The following SMO variants were observed in gnomAD, a reference collection of about 807,000 sequenced individuals.
SMO encodes protein smoothened.
SMO carries 40 observed loss-of-function variants against 81.6 expected under a neutral mutation model. The ratio of observed to expected loss-of-function variants is 0.49; its 90% confidence interval spans 0.38 to 0.64. The LOEUF (loss-of-function observed/expected upper bound fraction) is 0.64. Ranked by LOEUF, SMO falls within the 30% of genes least tolerant of loss-of-function variation. SMO has a pLI of 0.00. For synonymous variants in SMO, 434 were observed against 432.1 expected (o/e 1.00, Z -0.05); for missense variants, 916 against 1,061.1 (o/e 0.86, Z 1.90).
At position 129,211,231 on chromosome 7, in the gene SMO, C is replaced by A. The variant is rs41274167; in HGVS notation, c.1801+118C>A. 24,780 of 1,109,600 alleles carry A rather than the reference C, an allele frequency of 0.022. 390 individuals are homozygous for A. Among genetic ancestry groups the A allele is most frequent in the Non-Finnish European group, 0.027 (20,713 of 757,186 alleles). The allele number at this position is 1,109,600 out of a possible 1,614,324, so 68.7% of individuals were successfully genotyped here. ...GGAAGACCGACTGTGAGGAGCAAGG[C>A]GCTCCCTCCATCGCTCACACACCCA... On this transcript the variant is annotated intron_variant, in intron 10 of 11. Coordinates refer to ENST00000249373, the MANE Select transcript of SMO (RefSeq NM_005631.5). The surrounding 1 kb of genome is among the most constrained non-coding windows in gnomAD (Gnocchi z 4.6).
In SMO at chr7:129,211,285, G is replaced by A. The variant is rs887262248; in HGVS notation, c.1801+172G>A. The A allele has an allele frequency of 3.8e-6, 3 of 795,162 alleles. No individual in the cohort carries two copies. The African/African-American group carries it at 5.1e-5, about 14-fold the overall frequency. The allele number at this position is 795,162 out of a possible 1,614,324, so 49.3% of individuals were successfully genotyped here. On this transcript the variant is annotated intron_variant, in intron 10 of 11. Coordinates refer to ENST00000249373, the MANE Select transcript of SMO (RefSeq NM_005631.5). The surrounding 1 kb of genome is among the most constrained non-coding windows in gnomAD (Gnocchi z 4.6). ...TTCCCCCGGCCCCTCCTACCCTCTG[G>A]GGGGCTCTCCCCTCTCTGTTTCTGC...
intron 1 of SMO, among the ~76,000 whole-genome samples, chr7:129,191,497 A>G (rs1424013739): frequency 6.6e-6 from 1 of 151,904 alleles, no homozygotes; most frequent in African/African-American, 2.4e-5. Context: ...TCCTGTTTCC[A>G]TATGTGTTCT....
rs1793884122 is a variant in SMO, at chr7:129,212,175, T to C, written c.2088T>C (p.Pro696=). 3 of 1,554,466 alleles carry C rather than the reference T, an allele frequency of 1.9e-6. No homozygotes were observed. The East Asian group carries it at 7.3e-5, about 38-fold the overall frequency. ...APPPELHPPA[P]APSTIPRLPQ... is the part of the protein sequence containing the mutation. ...CCCCTGAGCTTCACCCCCCTGCCCC[T>C]GCCCCCAGTACCATTCCTCGACTGC... is the stretch of plus-strand genomic sequence containing the variant. The change falls in exon 12 of 12, where the codon CCT becomes CCC. Residue 696 remains proline (P), a synonymous_variant. Transcript: ENST00000249373. The surrounding 1 kb of genome is among the most constrained non-coding windows in gnomAD (Gnocchi z 5.0).
chr7:129,211,975 C>A lies in SMO; in HGVS notation c.1937-49C>A, dbSNP rs2150656135. 1 of 1,522,452 alleles carries A rather than the reference C, an allele frequency of 6.6e-7. No individual in the cohort carries two copies. Among genetic ancestry groups the A allele is most frequent in the Admixed American group, 1.9e-5 (1 of 51,844 alleles). 94.3% of individuals were successfully genotyped at this position (1,522,452 alleles called of 1,614,324 possible). A position where few individuals can be genotyped will look rare whatever the true frequency, so the allele number is the denominator to read the frequency against. ...AGTGCTCCCAGGGGAGCGGGGGTGGCATGGACAGAGCCAGGGCCCCAGGCT... is the reference window on the plus strand; with the variant it reads ...AGTGCTCCCAGGGGAGCGGGGGTGGAATGGACAGAGCCAGGGCCCCAGGCT... On this transcript the variant is annotated intron_variant, in intron 11 of 11. Coordinates refer to ENST00000249373, the MANE Select transcript of SMO (RefSeq NM_005631.5). This position sits in a 1 kb window ranked among gnomAD's most constrained non-coding sequence, Gnocchi z 4.6.
intron 1 of SMO, among the ~76,000 whole-genome samples, chr7:129,195,954 AGCCGGGCGCGGTG>A (rs1793569919): frequency 6.6e-6 from 1 of 151,962 alleles, no homozygotes; most frequent in Non-Finnish European, 1.5e-5. Context: ...ACAAAAAATT[AGCCGGGCGCGGTG>A]GTGGGCGCCT....
At position 129,200,731 on chromosome 7, in the gene SMO, TTTG is replaced by T. The variant is rs1296293343; in HGVS notation, c.332-2644_332-2642del. Reference sequence around the variant, plus strand: ...GATTGAGAAAAATTACAGTTTTTTTTTTGTTGTTGTTTGTTTGTTTGTTTTAAT... The same window carrying T: ...GATTGAGAAAAATTACAGTTTTTTTTTTGTTGTTTGTTTGTTTGTTTTAAT... On this transcript the variant is annotated intron_variant, in intron 1 of 11. Coordinates refer to ENST00000249373, the MANE Select transcript of SMO (RefSeq NM_005631.5). Among the ~76,000 whole-genome samples, 3 of 149,584 alleles carry T rather than the reference TTTG, an allele frequency of 2.0e-5. No individual in the cohort carries two copies. In the South Asian group the frequency reaches 6.3e-4, roughly 32 times the overall value.
rs577512487 is a variant in SMO, at chr7:129,211,039, G to A, written c.1727G>A (p.Arg576Gln). 9.3e-6 allele frequency: 15 copies of A among 1,614,062 alleles called. No individual in the cohort carries two copies. The highest frequency in any genetic ancestry group is 6.7e-5 in the African/African-American group (5 of 75,054). ...ATGATTGCCAAGGCCTTCTCTAAGCGGCACGAGCTCCTGCAGAACCCAGGC... is the reference window on the plus strand; with the variant it reads ...ATGATTGCCAAGGCCTTCTCTAAGCAGCACGAGCTCCTGCAGAACCCAGGC... ...SKMIAKAFSK[R>Q]HELLQNPGQE... Residue 576 changes from arginine to glutamine, a missense_variant, in exon 10 of 12, where the codon CGG becomes CAG. Around this residue, in one of 4 missense-constraint regions of SMO, gnomAD observed 324 missense variants for 312.9 expected, o/e 1.04. Transcript: ENST00000249373. This position sits in a 1 kb window ranked among gnomAD's most constrained non-coding sequence, Gnocchi z 4.6.
chr7:129,194,137 T>TACAC (rs1290099104), intron 1 of SMO, among the ~76,000 whole-genome samples: 1 of 151,392 alleles, frequency 6.6e-6, no homozygotes, highest in Admixed American at 6.6e-5. Flanking sequence ...TGTGTATGTA[T>TACAC]ACACACACAC....
Position 129,211,677 on chromosome 7 carries a change from T to C in SMO, c.1843T>C (p.Ser615Pro), listed in dbSNP as rs1563151809. The C allele has an allele frequency of 1.2e-6, 2 of 1,613,556 alleles. No homozygotes were observed. The highest frequency in any genetic ancestry group is 2.2e-5 in the South Asian group (2 of 91,050). ...CCTCAATGAGCCCTCAGCTGATGTC[T>C]CCTCTGCCTGGGCCCAGCATGTCAC... ...FDLNEPSADVSSAWAQHVTKM... is the reference protein window; with the variant it reads ...FDLNEPSADVPSAWAQHVTKM... The change falls in exon 11 of 12, where the codon TCC (serine) becomes CCC (proline). Residue 615 changes from serine to proline, a missense_variant. By Grantham distance (74) the Ser-to-Pro change is moderately conservative. Transcript: ENST00000249373. The surrounding 1 kb of genome is among the most constrained non-coding windows in gnomAD (Gnocchi z 4.6).
intron 4 of SMO, 97 bp downstream of exon 4, chr7:129,205,879 A>T: frequency 1.7e-6 from 2 of 1,150,858 alleles, no homozygotes; most frequent in Non-Finnish European, 2.5e-6. Context: ...ACCGAGATCC[A>T]GGGCAGGATC....
intron 1 of SMO, among the ~76,000 whole-genome samples, chr7:129,197,029 A>AG (rs1269675757): frequency 3.3e-5 from 5 of 151,480 alleles, no homozygotes; most frequent in Non-Finnish European, 7.4e-5. Flanking sequence ...AAAAAAAAAA[A>AG]AAAAAGAAAT....
Position 129,212,254 on chromosome 7 carries a change from G to T in SMO, c.2167G>T (p.Asp723Tyr), listed in dbSNP as rs1168853400. Residue 723 changes from aspartate to tyrosine, a missense_variant, in exon 12 of 12, where the codon GAC becomes TAC. Physicochemically the swap from Asp to Tyr is radical, Grantham distance 160. Transcript: ENST00000249373. The surrounding 1 kb of genome is among the most constrained non-coding windows in gnomAD (Gnocchi z 5.0). ...GGCTGCAGGTGCCTGGGGAGCTGGG[G>T]ACTCTTGCCGACAGGGAGCGTGGAC... is the stretch of plus-strand genomic sequence containing the variant. ...LVAAGAWGAG[D>Y]SCRQGAWTLV... 1.2e-6 allele frequency: 2 copies of T among 1,605,762 alleles called. No individual in the cohort carries two copies. The highest frequency in any genetic ancestry group is 1.3e-5 in the African/African-American group (1 of 74,892).
chr7:129,197,011 C>T (rs1331160160), intron 1 of SMO, among the ~76,000 whole-genome samples: 6 of 88,616 alleles, frequency 6.8e-5, no homozygotes, highest in African/African-American at 1.6e-4. Context: ...AGTGAGACAC[C>T]GTCTCAAAAA....
chr7:129,208,642 G>A lies in SMO; in HGVS notation c.1265-117G>A. 1.5e-6 allele frequency: 1 copy of A among 657,278 alleles called. No homozygotes were observed. The highest frequency in any genetic ancestry group is 1.8e-5 in the African/African-American group (1 of 56,056). The allele number at this position is 657,278 out of a possible 1,614,324, so 40.7% of individuals were successfully genotyped here. On this transcript the variant is annotated intron_variant, in intron 6 of 11. Transcript: ENST00000249373. The surrounding 1 kb of genome is among the most constrained non-coding windows in gnomAD (Gnocchi z 5.2). ...CTCTAGCTCCCCAGGTTTTCATTTA[G>A]CACAGGGGTAATCAGACTTGGGACT...
At chr7:129,199,461 C>T (rs574593172) in intron 1 of SMO, among the ~76,000 whole-genome samples, 1 of 152,120 alleles carries the variant, frequency 6.6e-6, no homozygotes, top group African/African-American at 2.4e-5. Context: ...GGATTACAGG[C>T]GTGAGCCACC....
Position 129,209,319 on chromosome 7 carries a change from T to C in SMO, c.1388T>C (p.Val463Ala). The C allele has an allele frequency of 6.2e-7, 1 of 1,614,114 alleles. No homozygotes were observed. The highest frequency in any genetic ancestry group is 8.5e-7 in the Non-Finnish European group (1 of 1,179,948). ...GIFGFLAFGF[V>A]LITFSCHFYD... Reference sequence around the variant, plus strand: ...TTTGGCTTCCTGGCCTTTGGCTTTGTGCTCATTACCTTCAGCTGCCACTTC... The same window carrying C: ...TTTGGCTTCCTGGCCTTTGGCTTTGCGCTCATTACCTTCAGCTGCCACTTC... The change falls in exon 8 of 12, where the codon GTG (valine) becomes GCG (alanine). Residue 463 changes from valine (V) to alanine (A), a missense_variant. This residue lies in a region of SMO where 436 missense variants were observed against 570.9 expected (regional missense o/e 0.76). Transcript: ENST00000249373.
chr7:129,200,846 C>A (rs1793657040), intron 1 of SMO, among the ~76,000 whole-genome samples: 1 of 152,314 alleles, frequency 6.6e-6, no homozygotes, highest in Admixed American at 6.5e-5. Flanking sequence ...AGCAATTCTT[C>A]TGCCTCAGCC....
Position 129,211,512 on chromosome 7 carries a change from T to G in SMO, c.1802-124T>G, listed in dbSNP as rs1459218183. The G allele has an allele frequency of 1.5e-4, 164 of 1,071,022 alleles. No homozygotes were observed. Among genetic ancestry groups the G allele is most frequent in the Non-Finnish European group, 2.2e-4 (152 of 703,836 alleles). 66.3% of individuals were successfully genotyped at this position (1,071,022 alleles called of 1,614,324 possible). ...GGTAGAGATCACCGTGGTTACAGGG[T>G]GAGCTTTCTCTGGTGAGCAGGAGGG... On this transcript the variant is annotated intron_variant, in intron 10 of 11. Coordinates refer to ENST00000249373, the MANE Select transcript of SMO (RefSeq NM_005631.5). The surrounding 1 kb of genome is among the most constrained non-coding windows in gnomAD (Gnocchi z 4.6).
At chr7:129,196,588 A>T (rs1584655916) in intron 1 of SMO, among the ~76,000 whole-genome samples, 1 of 152,142 alleles carries the variant, frequency 6.6e-6, no homozygotes, top group South Asian at 2.1e-4. Context: ...TTCTATTTAG[A>T]TCTTTCATTT....
Sources: gnomAD v4.1 joint callset for allele counts (sites outside exome capture counted in the v4.1 genomes callset) on GRCh38, gnomAD v4.1.1 for gene constraint, gnomAD v4.1.1 regional missense constraint, Gnocchi (gnomAD v3.1) non-coding constraint, MANE v1.5 for transcripts, NCBI Gene and HGNC (gene_info 2026-07-23, HGNC 2026-07-21) for gene names.